CNOT2: variants seen among roughly 807,000 people sequenced by gnomAD.
CNOT2 encodes CCR4-NOT transcription complex subunit 2.
Under a neutral mutation model 72.1 loss-of-function variants are expected in CNOT2, and 7 were observed. The observed-to-expected ratio is 0.10, with a 90% CI of 0.06 to 0.18. The LOEUF (loss-of-function observed/expected upper bound fraction) is 0.18. Among genes scored for constraint, CNOT2 ranks in the 10% least tolerant of loss-of-function variants. CNOT2 has a pLI of 1.00. For synonymous variants in CNOT2, 196 were observed against 225.6 expected, an observed-to-expected ratio of 0.87 and a Z score of 1.17; for missense variants, 345 against 660.3, an observed-to-expected ratio of 0.52 and a Z score of 5.23.
At chr12:70,290,431 C>A (rs981639004) in intron 2 of CNOT2, among the ~76,000 whole-genome samples, 1 of 152,084 alleles carries the variant, frequency 6.6e-6, no homozygotes, top group Admixed American at 6.5e-5. Flanking sequence ...TTGCTGGGCT[C>A]CACCAATCTG....
chr12:70,338,796 A>G lies in CNOT2; in HGVS notation c.1152A>G (p.Thr384=). ...TTGCATTAGGAAGTGACTTAACAAC[A>G]TTAGGCCTCAATCTGAACTCTCCTG... ...VHLALGSDLT[T]LGLNLNSPEN... Residue 384 remains threonine (T), a synonymous_variant, in exon 11 of 16, where the codon ACA becomes ACG. Transcript: ENST00000229195. The G allele has an allele frequency of 6.2e-7, 1 of 1,613,464 alleles. No individual in the cohort carries two copies. The highest frequency in any genetic ancestry group is 8.5e-7 in the Non-Finnish European group (1 of 1,179,606).
At position 70,251,739 on chromosome 12, in the gene CNOT2, T is replaced by C. The variant is rs1958151622; in HGVS notation, c.-96+8259T>C. ...AGCAGGATTTTTATTTGTTAAGAAC[T>C]GTATGACTTTGAAACTCTGTAGTCT... On this transcript the variant is annotated intron_variant, in intron 1 of 15. Coordinates refer to ENST00000229195, the MANE Select transcript of CNOT2 (RefSeq NM_014515.7). Among the ~76,000 whole-genome samples, 4 of 152,354 alleles carry C rather than the reference T, an allele frequency of 2.6e-5. No individual in the cohort carries two copies. The South Asian group carries it at 8.3e-4, about 32-fold the overall frequency.
At chr12:70,244,239 C>G (rs1383349860) in intron 1 of CNOT2, 1 of 152,116 alleles carries the variant, frequency 6.6e-6, no homozygotes, top group Non-Finnish European at 1.5e-5. Flanking sequence ...CCTGGGGCGG[C>G]GGAGGAACCA....
chr12:70,306,634 G>GT (rs1875445898), intron 2 of CNOT2, among the ~76,000 whole-genome samples: 1 of 152,182 alleles, frequency 6.6e-6, no homozygotes, highest in Non-Finnish European at 1.5e-5. Context: ...AAAGTCTGGT[G>GT]TGAGTGTCAA....
chr12:70,344,294 T>G (rs1192641545), intron 14 of CNOT2, 66 bp downstream of exon 14: 3 of 920,906 alleles, frequency 3.3e-6, no homozygotes, highest in Non-Finnish European at 5.3e-6. Context: ...AAAACATCTT[T>G]AAGTGATGAT....
At chr12:70,302,074 G>A (rs971085784) in intron 2 of CNOT2, among the ~76,000 whole-genome samples, 49 of 152,094 alleles carry the variant, frequency 3.2e-4, no homozygotes, top group East Asian at 2.3e-3. Flanking sequence ...TATCCCCTTT[G>A]GCATTTTTTA....
chr12:70,263,620 C>T (rs1958883263), intron 1 of CNOT2, among the ~76,000 whole-genome samples: 1 of 152,084 alleles, frequency 6.6e-6, no homozygotes, highest in South Asian at 2.1e-4. Flanking sequence ...TCATGATTTC[C>T]TTAAATTATT....
chr12:70,299,199 A>C (rs1175051836), intron 2 of CNOT2, among the ~76,000 whole-genome samples: 1 of 151,846 alleles, frequency 6.6e-6, no homozygotes, highest in East Asian at 1.9e-4. Flanking sequence ...AAACCACCAG[A>C]TCTCATGAGA....
At chr12:70,297,734 ATT>A in intron 2 of CNOT2, 2 of 358,764 alleles carry the variant, frequency 5.6e-6, no homozygotes, top group Non-Finnish European at 1.1e-5. Context: ...TTGGATAATA[ATT>A]TTTTTTTGTT....
intron 2 of CNOT2, among the ~76,000 whole-genome samples, chr12:70,288,136 C>CT (rs68143994): frequency 0.27 from 23,145 of 86,580 alleles, 4,154 homozygotes; most frequent in Middle Eastern, 0.36. Flanking sequence ...TGGTGTAGCT[C>CT]TTTTTTTTTT....
intron 3 of CNOT2, among the ~76,000 whole-genome samples, chr12:70,315,339 GTC>G (rs1293451764): frequency 6.6e-6 from 1 of 151,418 alleles, no homozygotes; most frequent in Non-Finnish European, 1.5e-5. Context: ...CTTTTTCTTT[GTC>G]TCTTTTTCTC....
intron 7 of CNOT2, among the ~76,000 whole-genome samples, chr12:70,334,089 C>G (rs763028073): frequency 6.6e-6 from 1 of 151,858 alleles, no homozygotes; most frequent in South Asian, 2.1e-4. Context: ...GGTTTATTAA[C>G]TTTATTAGGT....
At chr12:70,326,329 T>C (rs1879068796) in intron 4 of CNOT2, among the ~76,000 whole-genome samples, 1 of 151,860 alleles carries the variant, frequency 6.6e-6, no homozygotes, top group Admixed American at 6.6e-5. Context: ...AAGTGCCCAA[T>C]AAATTTTAAT....
rs58837695 is a variant in CNOT2 at position 70,308,584 on chromosome 12, TCACA to T, written c.49-2290_49-2287del. Reference sequence around the variant, plus strand: ...CTCTCTCTCTCTCTCTCTCTCTCTCTCACACACACACACACACACACACAGTGAC... The same window carrying T: ...CTCTCTCTCTCTCTCTCTCTCTCTCTCACACACACACACACACACAGTGAC... On this transcript the variant is annotated intron_variant, in intron 2 of 15. Coordinates refer to ENST00000229195, the MANE Select transcript of CNOT2 (RefSeq NM_014515.7). Among the ~76,000 whole-genome samples, 39 of 133,302 alleles carry T rather than the reference TCACA, an allele frequency of 2.9e-4. No homozygotes were observed. In the South Asian group the frequency reaches 4.7e-3, roughly 16 times the overall value. 87.5% of individuals were successfully genotyped at this position (133,302 alleles called of 152,430 possible).
At chr12:70,273,000 T>C (rs1868294833) in intron 1 of CNOT2, among the ~76,000 whole-genome samples, 1 of 152,168 alleles carries the variant, frequency 6.6e-6, no homozygotes, top group African/African-American at 2.4e-5. Flanking sequence ...ATTAATGCCA[T>C]CCACATCTGC....
At chr12:70,329,607 A>G (rs371050057) in intron 5 of CNOT2, 37 bp downstream of exon 5, 13 of 1,499,316 alleles carry the variant, frequency 8.7e-6, no homozygotes, top group Admixed American at 3.4e-5. Flanking sequence ...TTCAAAATGT[A>G]TCTTGGTAGA....
intron 2 of CNOT2, among the ~76,000 whole-genome samples, chr12:70,282,103 A>C (rs902288303): frequency 1.3e-5 from 2 of 152,202 alleles, no homozygotes; most frequent in African/African-American, 2.4e-5. Context: ...TGTTCAATGC[A>C]TGTTGTTCCA....
chr12:70,300,197 T>C (rs1873658276), intron 2 of CNOT2, among the ~76,000 whole-genome samples: 2 of 152,208 alleles, frequency 1.3e-5, no homozygotes, highest in South Asian at 4.1e-4. Flanking sequence ...GTCGTTTCTT[T>C]TGCTGTGCAG....
At chr12:70,255,930 A>G (rs2135717541) in intron 1 of CNOT2, among the ~76,000 whole-genome samples, 1 of 152,312 alleles carries the variant, frequency 6.6e-6, no homozygotes, top group Non-Finnish European at 1.5e-5. Context: ...TTATAATTTC[A>G]ATAGTTTAAA....
Sources: gnomAD v4.1 joint callset for allele counts (sites outside exome capture counted in the v4.1 genomes callset) on GRCh38, gnomAD v4.1.1 for gene constraint, MANE v1.5 for transcripts, NCBI Gene and HGNC (gene_info 2026-07-23, HGNC 2026-07-21) for gene names.